The following MAGI1 variants were observed in gnomAD, a reference collection of about 807,000 sequenced individuals.
MAGI1 encodes membrane associated guanylate kinase, WW and PDZ domain containing 1.
In MAGI1, 58 loss-of-function variants were observed where a neutral mutation model predicts 139.9. The ratio of observed to expected loss-of-function variants is 0.41; its 90% CI spans 0.34 to 0.52. The LOEUF (loss-of-function observed/expected upper bound fraction) is 0.52, where lower values mean the gene tolerates loss of function less well. MAGI1 is among the 20% of genes least tolerant of loss of function. The pLI, the probability that MAGI1 is intolerant of heterozygous loss-of-function variation, is 0.12. For missense variants in MAGI1, 1,874 were observed against 1,901.6 expected, an observed-to-expected ratio of 0.99 and a Z score of 0.27; for synonymous variants, 812 against 737.9, an observed-to-expected ratio of 1.10 and a Z score of -1.63.
intron 1 of MAGI1, among the ~76,000 whole-genome samples, chr3:65,840,250 T>C (rs1022081739): frequency 1.3e-5 from 2 of 152,146 alleles, no homozygotes; most frequent in Non-Finnish European, 2.9e-5. Context: ...ATGTTTTTTA[T>C]TTCCTTGTCT....
intron 1 of MAGI1, among the ~76,000 whole-genome samples, chr3:65,914,969 C>T (rs570360503): frequency 6.6e-6 from 1 of 152,276 alleles, no homozygotes; most frequent in African/African-American, 2.4e-5. Context: ...AAGCTCTCAG[C>T]ATGTAGTAGG....
intron 1 of MAGI1, among the ~76,000 whole-genome samples, chr3:65,919,530 C>G (rs2062068523): frequency 6.6e-6 from 1 of 151,864 alleles, no homozygotes; most frequent in African/African-American, 2.4e-5. Flanking sequence ...CCACTGTACT[C>G]TAGCCCAGGT....
intron 1 of MAGI1, among the ~76,000 whole-genome samples, chr3:65,959,801 T>C (rs2064331126): frequency 9.2e-6 from 1 of 108,998 alleles, no homozygotes; most frequent in African/African-American, 3.4e-5. Context: ...ATTCTCTCTT[T>C]TTTTTTTTTT....
At chr3:65,774,202 T>A (rs1269754099) in intron 1 of MAGI1, among the ~76,000 whole-genome samples, 1 of 152,140 alleles carries the variant, frequency 6.6e-6, no homozygotes, top group African/African-American at 2.4e-5. Context: ...GACATATAAT[T>A]CCGGCTAAAC....
intron 1 of MAGI1, among the ~76,000 whole-genome samples, chr3:65,811,921 T>C (rs2041257585): frequency 1.2e-5 from 1 of 85,260 alleles, no homozygotes; most frequent in Middle Eastern, 5.2e-3. Context: ...ATCTTTTGTA[T>C]GTTTACGTGT....
intron 3 of MAGI1, among the ~76,000 whole-genome samples, chr3:65,491,283 T>G (rs1575993984): frequency 6.6e-6 from 1 of 152,184 alleles, no homozygotes. Context: ...TGTCCCCATC[T>G]AAAAATTCAG....
At chr3:65,385,854 C>T (rs577399091) in intron 14 of MAGI1, among the ~76,000 whole-genome samples, 6 of 152,246 alleles carry the variant, frequency 3.9e-5, no homozygotes, top group Non-Finnish European at 5.9e-5. Flanking sequence ...TCTTTCTGTT[C>T]GAGTAGCTGG....
chr3:65,375,707 AAAGAGAG>A, intron 18 of MAGI1, 31 bp downstream of exon 18: 1 of 1,469,200 alleles, frequency 6.8e-7, no homozygotes, highest in Non-Finnish European at 9.5e-7. Flanking sequence ...AGAGAGAGAA[AAAGAGAG>A]AGAGAGAGAG....
chr3:65,743,816 T>G (rs543377249), intron 1 of MAGI1, among the ~76,000 whole-genome samples: 3 of 152,216 alleles, frequency 2.0e-5, no homozygotes, highest in African/African-American at 7.2e-5. Flanking sequence ...ACATATTCAT[T>G]TTTTGTGTTG....
intron 12 of MAGI1, among the ~76,000 whole-genome samples, chr3:65,422,595 C>A (rs12493510): frequency 1.3e-5 from 2 of 152,060 alleles, no homozygotes; most frequent in African/African-American, 2.4e-5. Context: ...ATGGACTAGG[C>A]ACCATTTTAG....
At chr3:65,658,893 T>G (rs895230215) in intron 1 of MAGI1, among the ~76,000 whole-genome samples, 137 of 152,334 alleles carry the variant, frequency 9.0e-4, no homozygotes, top group African/African-American at 3.0e-3. Context: ...CACATGAGCA[T>G]GCAATAATGC....
At chr3:65,400,248 C>A (rs1242140333) in intron 13 of MAGI1, among the ~76,000 whole-genome samples, 1 of 152,156 alleles carries the variant, frequency 6.6e-6, no homozygotes, top group African/African-American at 2.4e-5. Context: ...AGTCAAAGTT[C>A]CAATCACCAC....
chr3:65,977,659 C>A lies in MAGI1; in HGVS notation c.313+60337G>T, dbSNP rs112147974. 4.0e-5 allele frequency among the ~76,000 whole-genome samples: 6 copies of A among 151,228 alleles called. No homozygotes were observed. The East Asian group carries it at 5.8e-4, about 15-fold the overall frequency. ...CCGGGTGGCAGAGGTTGCAGTGAGC[C>A]GAGATCACACCACTGCACTCCAGCC... is the stretch of plus-strand genomic sequence containing the variant. On this transcript the variant is annotated intron_variant, in intron 1 of 22. Coordinates refer to ENST00000402939, the MANE Select transcript of MAGI1 (RefSeq NM_001033057.2).
chr3:65,675,215 G>A (rs761347960), intron 1 of MAGI1, among the ~76,000 whole-genome samples: 5 of 152,144 alleles, frequency 3.3e-5, no homozygotes, highest in African/African-American at 7.2e-5. Context: ...GGTGATGGAA[G>A]GGTGGATGAA....
At chr3:65,468,862 G>T (rs1479786739) in intron 5 of MAGI1, among the ~76,000 whole-genome samples, 2 of 151,596 alleles carry the variant, frequency 1.3e-5, no homozygotes, top group Non-Finnish European at 2.9e-5. Flanking sequence ...CTTAAGCCTG[G>T]GAGATAGAGG....
Position 65,356,847 on chromosome 3 carries a change from G to C in MAGI1, c.3920C>G (p.Ala1307Gly). The C allele has an allele frequency of 6.2e-7, 1 of 1,613,706 alleles. No individual in the cohort carries two copies. Residue 1307 changes from alanine to glycine, a missense_variant, in exon 23 of 23, where the codon GCG (alanine) becomes GGG (glycine). This residue lies in a region of MAGI1 where 653 missense variants were observed against 644.5 expected (regional missense o/e 1.01). Coordinates refer to ENST00000402939, the MANE Select transcript of MAGI1 (RefSeq NM_001033057.2). ...KDRAPEGRRD[A>G]QAERAAAANG... ...GGCGGCTGCCGCGCGCTCGGCCTGC[G>C]CGTCCCTCCGTCCCTCCGGCGCCCG...
intron 1 of MAGI1, among the ~76,000 whole-genome samples, chr3:66,035,913 A>G (rs2068891439): frequency 6.6e-6 from 1 of 152,208 alleles, no homozygotes; most frequent in Admixed American, 6.5e-5. Flanking sequence ...AAATTTGGCA[A>G]CTAGTGGAAG....
At chr3:65,952,581 G>A (rs1417176458) in intron 1 of MAGI1, among the ~76,000 whole-genome samples, 2 of 152,192 alleles carry the variant, frequency 1.3e-5, no homozygotes, top group Admixed American at 6.5e-5. Flanking sequence ...TTGGGAGGCC[G>A]AGGCGGGTGG....
intron 1 of MAGI1, among the ~76,000 whole-genome samples, chr3:65,951,235 A>G (rs1162011457): frequency 6.6e-6 from 1 of 152,220 alleles, no homozygotes; most frequent in Non-Finnish European, 1.5e-5. Flanking sequence ...GCATGGTCCA[A>G]TATGGTAACC....
Sources: gnomAD v4.1 joint callset for allele counts (sites outside exome capture counted in the v4.1 genomes callset) on GRCh38, gnomAD v4.1.1 for gene constraint, gnomAD v4.1.1 regional missense constraint, MANE v1.5 for transcripts, NCBI Gene and HGNC (gene_info 2026-07-23, HGNC 2026-07-21) for gene names.